Variants in TMX1 observed in about 807,000 individuals in gnomAD.
TMX1 encodes thioredoxin related transmembrane protein 1, also known as thioredoxin-related transmembrane protein 1.
A neutral mutation model predicts 36.6 loss-of-function variants in TMX1; 25 were observed. That is an observed-to-expected ratio of 0.68 (90% CI 0.50 to 0.95). TMX1 has a LOEUF of 0.95. Among genes scored for constraint, TMX1 ranks in the 40% least tolerant of loss-of-function variants. TMX1 has a pLI of 0.00. For missense variants in TMX1, 347 were observed against 339.6 expected (o/e 1.02, Z -0.17); for synonymous variants, 133 against 118.0 (o/e 1.13, Z -0.82).
intron 3 of TMX1, chr14:51,245,619 C>A: frequency 6.9e-6 from 5 of 724,180 alleles, no homozygotes; most frequent in East Asian, 3.7e-5. Context: ...TCCTGTTCAG[C>A]GTGTTAAGTC....
At chr14:51,245,564 AT>A in intron 3 of TMX1, 1 of 1,306,442 alleles carries the variant, frequency 7.7e-7, no homozygotes, top group East Asian at 2.7e-5. Context: ...GTTCTCAAAG[AT>A]TTACAGTTGT....
intron 7 of TMX1, among the ~76,000 whole-genome samples, chr14:51,250,650 C>T (rs887622088): frequency 4.6e-5 from 7 of 152,244 alleles, no homozygotes; most frequent in East Asian, 3.9e-4. Flanking sequence ...CACCACCACG[C>T]CCGGCTAATT....
rs751006838 is a variant in TMX1 at position 51,240,336 on chromosome 14, T to C, written c.44T>C (p.Val15Ala). Residue 15 changes from valine to alanine, a missense_variant, in exon 1 of 8, where the codon GTG becomes GCG. Transcript: ENST00000457354. The stretch of plus-strand genomic sequence containing the variant: ...CTTGCAGTTCCCCTGGCAGTCCTGG[T>C]GCTGTTGCTTTGGGGTGCTCCCTGG... ...GSLAVPLAVL[V>A]LLLWGAPWTH... 4 of 1,613,696 alleles carry C rather than the reference T, an allele frequency of 2.5e-6. No homozygotes were observed. The highest frequency in any genetic ancestry group is 3.4e-6 in the Non-Finnish European group (4 of 1,180,010).
At chr14:51,241,879 C>T (rs576418089) in intron 1 of TMX1, among the ~76,000 whole-genome samples, 1 of 152,282 alleles carries the variant, frequency 6.6e-6, no homozygotes, top group South Asian at 2.1e-4. Flanking sequence ...CCTGTAATCC[C>T]AGCACTTTGG....
chr14:51,247,011 T>A, intron 3 of TMX1, 81 bp from the exon 4 acceptor site: 1 of 1,289,440 alleles, frequency 7.8e-7, no homozygotes. Flanking sequence ...GAATTGACTG[T>A]AAAGTGAAGT....
At chr14:51,252,360 A>G (rs963568643) in intron 7 of TMX1, among the ~76,000 whole-genome samples, 1 of 151,642 alleles carries the variant, frequency 6.6e-6, no homozygotes, top group Non-Finnish European at 1.5e-5. Context: ...AAATCATTCA[A>G]AAAGAAGGCA....
intron 7 of TMX1, among the ~76,000 whole-genome samples, chr14:51,252,837 C>T (rs1156847278): frequency 6.6e-6 from 1 of 152,154 alleles, no homozygotes. Context: ...ATCCTTAAGG[C>T]TCAAATGATG....
At position 51,257,000 on chromosome 14, in the gene TMX1, C is replaced by G. The variant is rs1055474586; in HGVS notation, c.*2481C>G. The G allele has an allele frequency of 1.2e-4, 18 of 149,332 alleles. No individual in the cohort carries two copies. The highest frequency in any genetic ancestry group is 4.4e-4 in the African/African-American group (18 of 40,464). The allele number at this position is 149,332 out of a possible 1,614,324, so 9.3% of individuals were successfully genotyped here. A position where few individuals can be genotyped will look rare whatever the true frequency, so the allele number is the denominator to read the frequency against. On this transcript the variant is annotated 3_prime_UTR_variant, in exon 8 of 8. Transcript: ENST00000457354. ...CAGAGTTTCACTCTTGTTGCCCAGG[C>G]TGGAGTGCAATGGCATGATCTTGGC...
Position 51,254,677 on chromosome 14 carries a change from T to A in TMX1, c.*158T>A. 1 of 598,260 alleles carries A rather than the reference T, an allele frequency of 1.7e-6. No individual in the cohort carries two copies. The highest frequency in any genetic ancestry group is 2.8e-6 in the Non-Finnish European group (1 of 363,388). The allele number at this position is 598,260 out of a possible 1,614,324, so 37.1% of individuals were successfully genotyped here. On this transcript the variant is annotated 3_prime_UTR_variant, in exon 8 of 8. Transcript: ENST00000457354. Reference sequence around the variant, plus strand: ...GTCTACATTCAGAACATAAAAGCACTAGGTATACAAGTTTGAAATATGATT... The same window carrying A: ...GTCTACATTCAGAACATAAAAGCACAAGGTATACAAGTTTGAAATATGATT...
Position 51,254,459 on chromosome 14 carries a change from TC to T in TMX1, c.785del (p.Pro262HisfsTer5). 1 of 1,611,484 alleles carries T rather than the reference TC, an allele frequency of 6.2e-7. No individual in the cohort carries two copies. The highest frequency in any genetic ancestry group is 1.1e-5 in the South Asian group (1 of 90,300). ...GTAAAGAAGGAACAAACAAAGACTT[TC>T]CACAGAATGCCATAAGACAACGCTC... is the stretch of plus-strand genomic sequence containing the variant. ...ESKEGTNKDF[P>X]QNAIRQRSLG... is the part of the protein sequence containing the mutation. On this transcript the variant is annotated frameshift_variant, in exon 8 of 8. Coordinates refer to ENST00000457354, the MANE Select transcript of TMX1 (RefSeq NM_030755.5). LOFTEE classifies it high-confidence loss of function.
intron 3 of TMX1, 126 bp downstream of exon 3, chr14:51,245,484 A>G (rs2065781573): frequency 3.2e-6 from 5 of 1,542,296 alleles, no homozygotes; most frequent in Non-Finnish European, 4.4e-6. Context: ...CAGGTATTTT[A>G]GAGGGCTTGT....
At chr14:51,242,635 C>T (rs536640612) in intron 1 of TMX1, among the ~76,000 whole-genome samples, 14 of 152,252 alleles carry the variant, frequency 9.2e-5, no homozygotes, top group East Asian at 7.7e-4. Context: ...GAAAAATTAG[C>T]TGGGCGTGTG....
chr14:51,240,633 C>A (rs141310833), intron 1 of TMX1, among the ~76,000 whole-genome samples, 189 bp downstream of exon 1: 18 of 152,282 alleles, frequency 1.2e-4, no homozygotes, highest in Non-Finnish European at 2.6e-4. Context: ...TCGTCTCTTA[C>A]CCGTGAATGT....
At chr14:51,244,098 A>T (rs1346696833) in intron 2 of TMX1, 127 bp downstream of exon 2, 3 of 724,464 alleles carry the variant, frequency 4.1e-6, no homozygotes, top group East Asian at 6.1e-5. Context: ...GTCTGCAGCT[A>T]GTTAACCTGA....
intron 4 of TMX1, among the ~76,000 whole-genome samples, chr14:51,248,765 T>C (rs934323103): frequency 3.3e-5 from 5 of 152,230 alleles, no homozygotes; most frequent in Admixed American, 6.5e-5. Context: ...TTATGTAAAA[T>C]ACTAATTTTT....
intron 1 of TMX1, among the ~76,000 whole-genome samples, chr14:51,241,269 A>C (rs1315404546): frequency 6.6e-6 from 1 of 152,186 alleles, no homozygotes; most frequent in Non-Finnish European, 1.5e-5. Flanking sequence ...GTGGGAAATA[A>C]AGTATCTGTC....
At position 51,249,525 on chromosome 14, in the gene TMX1, G is replaced by A. The variant is rs2065801901; in HGVS notation, c.547G>A (p.Val183Ile). ...LGLPVWGSYT[V>I]FALATLFSGL... Reference sequence around the variant, plus strand: ...ATTGCCAGTGTGGGGATCATATACTGTTTTTGCTTTAGCAACTCTGTTTTC... The same window carrying A: ...ATTGCCAGTGTGGGGATCATATACTATTTTTGCTTTAGCAACTCTGTTTTC... Residue 183 changes from valine to isoleucine, a missense_variant, in exon 6 of 8, where the codon GTT becomes ATT. Physicochemically the swap from Val to Ile is conservative, Grantham distance 29. Coordinates refer to ENST00000457354, the MANE Select transcript of TMX1 (RefSeq NM_030755.5). 6.2e-7 allele frequency: 1 copy of A among 1,613,078 alleles called. No individual in the cohort carries two copies. Among genetic ancestry groups the A allele is most frequent in the Non-Finnish European group, 8.5e-7 (1 of 1,179,766 alleles).
intron 7 of TMX1, among the ~76,000 whole-genome samples, chr14:51,252,406 A>G (rs761046332): frequency 6.6e-5 from 10 of 151,758 alleles, no homozygotes; most frequent in Non-Finnish European, 1.5e-4. Flanking sequence ...CTGATTGGGC[A>G]TCCCAACTCT....
intron 1 of TMX1, among the ~76,000 whole-genome samples, chr14:51,241,780 A>G (rs1455717040): frequency 6.6e-6 from 1 of 152,220 alleles, no homozygotes; most frequent in Non-Finnish European, 1.5e-5. Flanking sequence ...AGTGAAAGTG[A>G]CATCCCCAAG....
Sources: allele counts gnomAD v4.1 joint callset (sites outside exome capture counted in the v4.1 genomes callset), GRCh38; gene constraint gnomAD v4.1.1; transcripts MANE v1.5; gene names NCBI Gene and HGNC (gene_info 2026-07-23, HGNC 2026-07-21).